The following SLCO3A1 variants were observed in gnomAD, a reference collection of about 807,000 sequenced individuals.
SLCO3A1 encodes solute carrier organic anion transporter family member 3A1.
In SLCO3A1, 27 loss-of-function variants were observed where a neutral mutation model predicts 63.1. That is an observed-to-expected ratio of 0.43 (90% CI 0.32 to 0.59). The LOEUF (loss-of-function observed/expected upper bound fraction) is 0.59, where lower values mean the gene tolerates loss of function less well. Among genes scored for constraint, SLCO3A1 ranks in the 20% least tolerant of loss-of-function variants. The probability of loss-of-function intolerance (pLI) is 0.09; values close to 1 mark genes in which losing one functional copy is unlikely to be tolerated. For missense variants in SLCO3A1, 773 were observed against 945.8 expected (o/e 0.82, Z 2.40); for synonymous variants, 473 against 409.9 (o/e 1.15, Z -1.86).
In SLCO3A1 at chr15:92,128,558, T is replaced by A. The variant is rs536063512; in HGVS notation, c.1512+69T>A. ...TAAAGTGGCTTAAAACCCAAGTTTT[T>A]GCCCAGGTTGTTCGCCTTCCCTGTG... On this transcript the variant is annotated intron_variant, in intron 7 of 9. Coordinates refer to ENST00000318445, the MANE Select transcript of SLCO3A1 (RefSeq NM_013272.4). The A allele has an allele frequency of 2.2e-5, 31 of 1,440,966 alleles. 1 individual carries two copies. The South Asian group carries it at 4.2e-4, about 19-fold the overall frequency. The allele number at this position is 1,440,966 out of a possible 1,614,324, so 89.3% of individuals were successfully genotyped here.
At chr15:91,955,606 A>G (rs1900146138) in intron 2 of SLCO3A1, among the ~76,000 whole-genome samples, 1 of 152,206 alleles carries the variant, frequency 6.6e-6, no homozygotes, top group South Asian at 2.1e-4. Context: ...TGCTGGGATT[A>G]CAGGCACGAG....
rs115489242 is a variant in SLCO3A1 at position 92,021,795 on chromosome 15, C to T, written c.647-73086C>T. On this transcript the variant is annotated intron_variant, in intron 2 of 9. Transcript: ENST00000318445. ...TTTTATTGTTAACGATGACTCTGTG[C>T]AAAGCAAGCACCAGGGGCACCGAGA... is the stretch of plus-strand genomic sequence containing the variant. Among the ~76,000 whole-genome samples the T allele has an allele frequency of 3.5e-3, 526 of 152,198 alleles. 3 individuals carry two copies. Among genetic ancestry groups the T allele is most frequent in the African/African-American group, 0.012 (490 of 41,512 alleles).
At chr15:91,963,826 A>G (rs1900552898) in intron 2 of SLCO3A1, among the ~76,000 whole-genome samples, 1 of 152,090 alleles carries the variant, frequency 6.6e-6, no homozygotes. Context: ...AGCAAGATTT[A>G]TTGTGAAGAG....
At chr15:92,139,558 T>C (rs1456320448) in intron 7 of SLCO3A1, among the ~76,000 whole-genome samples, 1 of 151,978 alleles carries the variant, frequency 6.6e-6, no homozygotes, top group East Asian at 1.9e-4. Context: ...ATGGTACCAG[T>C]TCCTCCTTGT....
rs527684485 is a variant in SLCO3A1 at position 91,865,686 on chromosome 15, G to C, written c.180+11598G>C. ...TGCTGTCACATGGTGTTTCCCCCGC[G>C]TCTCTCTCTCTTCTTCTTCTAAGGA... On this transcript the variant is annotated intron_variant, in intron 1 of 9. Coordinates refer to ENST00000318445, the MANE Select transcript of SLCO3A1 (RefSeq NM_013272.4). The surrounding 1 kb of genome is among the most constrained non-coding windows in gnomAD (Gnocchi z 4.6). 6.6e-6 allele frequency among the ~76,000 whole-genome samples: 1 copy of C among 152,060 alleles called. No homozygotes were observed. Among genetic ancestry groups the C allele is most frequent in the African/African-American group, 2.4e-5 (1 of 41,374 alleles).
intron 2 of SLCO3A1, among the ~76,000 whole-genome samples, chr15:91,992,322 T>C (rs193080138): frequency 1.3e-5 from 2 of 152,320 alleles, no homozygotes; most frequent in African/African-American, 4.8e-5. Context: ...CGATGAGCAC[T>C]TCCACCCAAT....
At chr15:92,039,588 A>G (rs2151486409) in intron 2 of SLCO3A1, among the ~76,000 whole-genome samples, 1 of 152,362 alleles carries the variant, frequency 6.6e-6, no homozygotes, top group East Asian at 1.9e-4. Context: ...GAGGCTGTGG[A>G]GAAATAGTAA....
chr15:91,965,821 G>A (rs184438400), intron 2 of SLCO3A1, among the ~76,000 whole-genome samples: 167 of 152,110 alleles, frequency 1.1e-3, no homozygotes, highest in African/African-American at 3.8e-3. Context: ...CTGCCAGAAT[G>A]TACTCCTGGA....
intron 2 of SLCO3A1, among the ~76,000 whole-genome samples, chr15:91,927,741 G>C (rs565944998): frequency 6.6e-6 from 1 of 152,136 alleles, no homozygotes; most frequent in Non-Finnish European, 1.5e-5. Context: ...GAACATTCAC[G>C]TTTGCCCACC....
chr15:91,959,420 G>A (rs1458175966), intron 2 of SLCO3A1, among the ~76,000 whole-genome samples: 1 of 151,146 alleles, frequency 6.6e-6, no homozygotes, highest in Non-Finnish European at 1.5e-5. Context: ...CTCCAAAAAC[G>A]ATTGAAATTT....
intron 1 of SLCO3A1, among the ~76,000 whole-genome samples, chr15:91,864,246 T>A (rs567514932): frequency 1.7e-4 from 26 of 152,204 alleles, no homozygotes; most frequent in African/African-American, 6.3e-4. Flanking sequence ...ATCTCTGCAT[T>A]CATTGCTTTC....
In SLCO3A1 at chr15:91,942,955, G is replaced by A. The variant is rs747476454; in HGVS notation, c.646+26497G>A. Among the ~76,000 whole-genome samples, 6 of 152,204 alleles carry A rather than the reference G, an allele frequency of 3.9e-5. No individual in the cohort carries two copies. Among genetic ancestry groups the A allele is most frequent in the Non-Finnish European group, 7.3e-5 (5 of 68,040 alleles). On this transcript the variant is annotated intron_variant, in intron 2 of 9. Coordinates refer to ENST00000318445, the MANE Select transcript of SLCO3A1 (RefSeq NM_013272.4). The surrounding 1 kb of genome is among the most constrained non-coding windows in gnomAD (Gnocchi z 4.1). ...TGGGCGTGGGGCCCAGGGCCCAGCC[G>A]TTTGACCTCGTTCTGCCTCCCTTTC...
At chr15:92,001,827 CTTTTTTTTTTTTTT>C (rs59951621) in intron 2 of SLCO3A1, among the ~76,000 whole-genome samples, 1 of 80,106 alleles carries the variant, frequency 1.2e-5, no homozygotes, top group Non-Finnish European at 2.3e-5. Context: ...TGTGTGAGTT[CTTTTTTTTTTTTTT>C]TTTTTTTTTT....
intron 3 of SLCO3A1, chr15:92,097,827 G>C (rs1381500346): frequency 6.6e-6 from 1 of 152,192 alleles, no homozygotes; most frequent in African/African-American, 2.4e-5. Context: ...TTCTATAGTT[G>C]CCAGCAGTTT....
Position 92,163,886 on chromosome 15 carries a change from G to A in SLCO3A1, c.*751G>A, listed in dbSNP as rs2048470983. ...AGGTGGGGGGCCAGCACCTCCCAGT[G>A]GCGGGCATCCACCTTCCCCCAGCCC... On this transcript the variant is annotated 3_prime_UTR_variant, in exon 10 of 10. Transcript: ENST00000318445. The A allele has an allele frequency of 1.0e-6, 1 of 985,638 alleles. No homozygotes were observed. Among genetic ancestry groups the A allele is most frequent in the Non-Finnish European group, 1.2e-6 (1 of 830,082 alleles). The allele number at this position is 985,638 out of a possible 1,614,324, so 61.1% of individuals were successfully genotyped here.
intron 9 of SLCO3A1, among the ~76,000 whole-genome samples, chr15:92,160,137 G>T (rs1187552981): frequency 1.3e-5 from 2 of 152,088 alleles, no homozygotes; most frequent in African/African-American, 4.8e-5. Flanking sequence ...GTCACAAGGA[G>T]GGAGGAGCAT....
At chr15:92,101,188 C>G in intron 3 of SLCO3A1, among the ~76,000 whole-genome samples, 1 of 152,078 alleles carries the variant, frequency 6.6e-6, no homozygotes, top group East Asian at 1.9e-4. Flanking sequence ...GATTTTTCAC[C>G]AAAACTAGCC....
At chr15:91,994,852 C>A (rs1190037863) in intron 2 of SLCO3A1, among the ~76,000 whole-genome samples, 2 of 152,192 alleles carry the variant, frequency 1.3e-5, no homozygotes, top group Non-Finnish European at 2.9e-5. Context: ...CTCTGTAGGG[C>A]CCCTGCAGAC....
At chr15:91,920,305 T>C (rs533640388) in intron 2 of SLCO3A1, among the ~76,000 whole-genome samples, 1 of 152,172 alleles carries the variant, frequency 6.6e-6, no homozygotes, top group African/African-American at 2.4e-5. Flanking sequence ...GGGAGTCAGG[T>C]GCAAGCCAGG....
Sources: gnomAD v4.1 joint callset for allele counts (sites outside exome capture counted in the v4.1 genomes callset) on GRCh38, gnomAD v4.1.1 for gene constraint, Gnocchi (gnomAD v3.1) non-coding constraint, MANE v1.5 for transcripts, NCBI Gene and HGNC (gene_info 2026-07-23, HGNC 2026-07-21) for gene names.